The following CRADD variants were observed in gnomAD, a reference collection of about 807,000 sequenced individuals.
CRADD encodes the protein death domain-containing protein CRADD.
A neutral mutation model predicts 15.5 loss-of-function variants in CRADD; 9 were observed. The ratio of observed to expected loss-of-function variants is 0.58; its 90% CI spans 0.35 to 1.01. The LOEUF is 1.01. Among genes scored for constraint, CRADD ranks in the 50% least tolerant of loss-of-function variants. CRADD has a pLI of 0.02. For missense variants in CRADD, 227 were observed against 250.3 expected, an observed-to-expected ratio of 0.91 and a Z score of 0.63; for synonymous variants, 118 against 107.6, an observed-to-expected ratio of 1.10 and a Z score of -0.60.
intron 2 of CRADD, among the ~76,000 whole-genome samples, chr12:93,704,058 G>A (rs1472894762): frequency 6.9e-6 from 1 of 145,928 alleles, no homozygotes; most frequent in African/African-American, 2.5e-5. Context: ...TGAGCTCAAG[G>A]GATCTGCCTG....
At chr12:93,787,353 G>C (rs1374906209) in intron 2 of CRADD, among the ~76,000 whole-genome samples, 2 of 141,584 alleles carry the variant, frequency 1.4e-5, no homozygotes, top group Non-Finnish European at 3.0e-5. Flanking sequence ...ACTGATTGTA[G>C]AGAAAAAGAT....
At chr12:93,770,287 C>T (rs1048948604) in intron 2 of CRADD, among the ~76,000 whole-genome samples, 2 of 151,742 alleles carry the variant, frequency 1.3e-5, no homozygotes, top group Non-Finnish European at 1.5e-5. Context: ...TTAGTAGAGA[C>T]GGGGTTTCAC....
At chr12:93,840,635 C>T (rs1469271721) in intron 2 of CRADD, among the ~76,000 whole-genome samples, 6 of 151,710 alleles carry the variant, frequency 4.0e-5, no homozygotes, top group Non-Finnish European at 5.9e-5. Flanking sequence ...GGCTCAATCT[C>T]GGCTCACCAC....
At chr12:93,867,403 A>ATATATATATATATTT (rs985334638) in intron 2 of CRADD, among the ~76,000 whole-genome samples, 5 of 143,426 alleles carry the variant, frequency 3.5e-5, no homozygotes, top group East Asian at 4.2e-4. Context: ...ATATATATAT[A>ATATATATATATATTT]TTTTTTAAAC....
chr12:93,765,893 T>A lies in CRADD; in HGVS notation c.299-84077T>A, dbSNP rs77743279. On this transcript the variant is annotated intron_variant, in intron 2 of 2. Coordinates refer to ENST00000332896, the MANE Select transcript of CRADD (RefSeq NM_003805.5). Reference sequence around the variant, plus strand: ...TAGTAAAAGACTGTCATGTATGATTTTAGCAGAATACCTTGATCCAGATTG... The same window carrying A: ...TAGTAAAAGACTGTCATGTATGATTATAGCAGAATACCTTGATCCAGATTG... 2.9e-3 allele frequency among the ~76,000 whole-genome samples: 449 copies of A among 152,312 alleles called. 4 individuals carry two copies. Among genetic ancestry groups the A allele is most frequent in the African/African-American group, 0.01 (429 of 41,568 alleles).
At chr12:93,714,536 G>A (rs966696596) in intron 2 of CRADD, 1 of 152,224 alleles carries the variant, frequency 6.6e-6, no homozygotes, top group Admixed American at 6.5e-5. Flanking sequence ...AAACCAAAGT[G>A]ACAATGGCAA....
rs560842963 is a variant in CRADD, at chr12:93,703,883, G to T, written c.298+24811G>T. Among the ~76,000 whole-genome samples the T allele has an allele frequency of 2.0e-5, 3 of 151,632 alleles. No homozygotes were observed. The South Asian group carries it at 6.2e-4, about 31-fold the overall frequency. On this transcript the variant is annotated intron_variant, in intron 2 of 2. Transcript: ENST00000332896. ...AGGTTTTACATGCAATCTGTTTTTA[G>T]TGTGTGTAGTTCTGTGAAATTTTAT...
At chr12:93,742,807 G>C (rs1229059774) in intron 2 of CRADD, among the ~76,000 whole-genome samples, 2 of 152,050 alleles carry the variant, frequency 1.3e-5, no homozygotes, top group Non-Finnish European at 2.9e-5. Context: ...GCCATTCCGC[G>C]GATCTTGTTT....
intron 2 of CRADD, among the ~76,000 whole-genome samples, chr12:93,848,437 T>C (rs1958161078): frequency 6.6e-6 from 1 of 152,180 alleles, no homozygotes; most frequent in East Asian, 1.9e-4. Context: ...AACACAATAG[T>C]GGACTGATGA....
chr12:93,762,132 C>G (rs1343775676), intron 2 of CRADD, among the ~76,000 whole-genome samples: 2 of 152,178 alleles, frequency 1.3e-5, no homozygotes, highest in Non-Finnish European at 2.9e-5. Context: ...TAAATAAAAG[C>G]CTTGTGTTTA....
At chr12:93,844,477 G>A (rs1958089406) in intron 2 of CRADD, among the ~76,000 whole-genome samples, 1 of 152,184 alleles carries the variant, frequency 6.6e-6, no homozygotes, top group South Asian at 2.1e-4. Context: ...TGGTGCTTAT[G>A]TGCCAATTAC....
At chr12:93,748,453 A>G (rs1361926578) in intron 2 of CRADD, among the ~76,000 whole-genome samples, 2 of 152,144 alleles carry the variant, frequency 1.3e-5, no homozygotes, top group East Asian at 3.9e-4. Context: ...GATTACAGGC[A>G]TGCACCACCA....
intron 2 of CRADD, among the ~76,000 whole-genome samples, chr12:93,772,190 G>A (rs539751426): frequency 6.6e-6 from 1 of 152,256 alleles, no homozygotes; most frequent in South Asian, 2.1e-4. Context: ...TGTGTTTGTG[G>A]TTTATTGGCT....
chr12:93,790,445 A>G (rs1457135845), intron 2 of CRADD, among the ~76,000 whole-genome samples: 1 of 151,998 alleles, frequency 6.6e-6, no homozygotes, highest in African/African-American at 2.4e-5. Context: ...CATGTACCCT[A>G]AAACTTAAAG....
At chr12:93,782,156 T>C (rs911936647) in intron 2 of CRADD, among the ~76,000 whole-genome samples, 1 of 152,108 alleles carries the variant, frequency 6.6e-6, no homozygotes, top group African/African-American at 2.4e-5. Context: ...TGGAATACTA[T>C]GCAGCCATAA....
At chr12:93,699,973 G>C (rs1190524830) in intron 2 of CRADD, among the ~76,000 whole-genome samples, 1 of 152,182 alleles carries the variant, frequency 6.6e-6, no homozygotes, top group East Asian at 1.9e-4. Context: ...CAGCATGAAG[G>C]AGCGATCTCA....
chr12:93,855,812 GTTTTTCTTTTTC>G (rs902851371), intron 2 of CRADD, among the ~76,000 whole-genome samples: 1 of 152,154 alleles, frequency 6.6e-6, no homozygotes, highest in Admixed American at 6.5e-5. Flanking sequence ...GGCTATCAGA[GTTTTTCTTTTTC>G]TTTTTCTTTT....
rs770449352 is a variant in CRADD at position 93,726,551 on chromosome 12, A to G, written c.298+47479A>G. 3.4e-4 allele frequency among the ~76,000 whole-genome samples: 52 copies of G among 152,304 alleles called. 2 individuals are homozygous for G. The highest frequency in any genetic ancestry group is 3.4e-3 in the Middle Eastern group (1 of 294). On this transcript the variant is annotated intron_variant, in intron 2 of 2. Transcript: ENST00000332896. The stretch of plus-strand genomic sequence containing the variant: ...TTTTTACATTAGAGAAGGAAGCTTT[A>G]CTAGTACTCTACTTGGAGGGGTACA...
intron 2 of CRADD, among the ~76,000 whole-genome samples, chr12:93,787,319 T>G (rs1038262471): frequency 5.3e-5 from 8 of 150,030 alleles, no homozygotes; most frequent in African/African-American, 1.5e-4. Context: ...TTTTTTTTTT[T>G]TTTTTTTTTT....
Sources: allele counts gnomAD v4.1 joint callset (sites outside exome capture counted in the v4.1 genomes callset), GRCh38; gene constraint gnomAD v4.1.1; transcripts MANE v1.5; gene names NCBI Gene and HGNC (gene_info 2026-07-23, HGNC 2026-07-21).